CHODL: variants seen among roughly 807,000 people sequenced by gnomAD.
CHODL encodes the protein chondrolectin, also known as transmembrane protein MT75.
In CHODL, 29 loss-of-function variants were observed where a neutral mutation model predicts 34.5. The observed-to-expected ratio is 0.84, with a 90% CI of 0.63 to 1.15. CHODL has a LOEUF of 1.15. CHODL is among the 50% of genes most tolerant of loss of function. CHODL has a pLI of 0.00. For missense variants in CHODL, 332 were observed against 332.5 expected, an observed-to-expected ratio of 1.00 and a Z score of 0.01; for synonymous variants, 125 against 116.1, an observed-to-expected ratio of 1.08 and a Z score of -0.49.
chr21:18,105,390 T>C (rs2065261345), intron 2 of CHODL, among the ~76,000 whole-genome samples: 1 of 152,178 alleles, frequency 6.6e-6, no homozygotes. Flanking sequence ...TTATGTGCCT[T>C]TTCAAAGCCA....
intron 1 of CHODL, among the ~76,000 whole-genome samples, chr21:17,944,729 C>T (rs9305833): frequency 0.15 from 22,851 of 152,214 alleles, 1,876 homozygotes; most frequent in Middle Eastern, 0.21. Context: ...AGCTAGAGAT[C>T]GCATAACAAG....
intron 1 of CHODL, among the ~76,000 whole-genome samples, chr21:17,962,343 G>A (rs1486146966): frequency 6.6e-6 from 1 of 152,158 alleles, no homozygotes; most frequent in Non-Finnish European, 1.5e-5. Flanking sequence ...TGTAATCAAT[G>A]CTATTTCATT....
chr21:18,011,862 A>G (rs537415459), intron 1 of CHODL, among the ~76,000 whole-genome samples: 7 of 152,352 alleles, frequency 4.6e-5, no homozygotes, highest in South Asian at 2.1e-4. Flanking sequence ...TGTACTGCAG[A>G]GTATTCTGTT....
intron 2 of CHODL, among the ~76,000 whole-genome samples, chr21:18,082,173 T>C (rs2064950462): frequency 6.6e-6 from 1 of 152,184 alleles, no homozygotes. Context: ...ATCTGGTTGT[T>C]TCAAAGTGTG....
intron 2 of CHODL, among the ~76,000 whole-genome samples, chr21:18,069,984 T>TTTCCCTTCCCTGCCCTTCCC (rs2064777611): frequency 2.3e-5 from 1 of 44,052 alleles, no homozygotes; most frequent in African/African-American, 7.1e-5. Flanking sequence ...CCTCCTTTTC[T>TTTCCCTTCCCTGCCCTTCCC]TTCCCTTCCC....
At chr21:17,924,204 T>C (rs780393291) in intron 1 of CHODL, among the ~76,000 whole-genome samples, 1 of 152,126 alleles carries the variant, frequency 6.6e-6, no homozygotes, top group Non-Finnish European at 1.5e-5. Context: ...CTGTGAAAGC[T>C]GTGTGAATGC....
intron 2 of CHODL, among the ~76,000 whole-genome samples, chr21:18,030,037 C>G (rs1259376011): frequency 7.2e-5 from 11 of 152,124 alleles, no homozygotes; most frequent in Non-Finnish European, 2.9e-5. Context: ...CAGGCTCTAA[C>G]ATAGCCCCCA....
chr21:17,924,912 CA>C (rs1355195946), intron 1 of CHODL, among the ~76,000 whole-genome samples: 1 of 152,112 alleles, frequency 6.6e-6, no homozygotes, highest in Non-Finnish European at 1.5e-5. Context: ...CATAAGAAGA[CA>C]AAGACACCAA....
Position 18,113,552 on chromosome 21 carries a change from A to G in CHODL, c.-45+85581A>G, listed in dbSNP as rs148331282. ...TGAAGGGGAAGCAGGCACATCCCGC[A>G]TGGCTGGAGCAGGAGGAAGAGAGAG... is the stretch of plus-strand genomic sequence containing the variant. On this transcript the variant is annotated intron_variant, in intron 2 of 6. Transcript: ENST00000400127. Among the ~76,000 whole-genome samples, 440 of 152,286 alleles carry G rather than the reference A, an allele frequency of 2.9e-3. 3 individuals are homozygous for G. The highest frequency in any genetic ancestry group is 0.01 in the African/African-American group (426 of 41,560).
intron 4 of CHODL, among the ~76,000 whole-genome samples, chr21:18,260,875 G>T (rs1359946574): frequency 6.6e-6 from 1 of 151,940 alleles, no homozygotes; most frequent in African/African-American, 2.4e-5. Context: ...AACAACAAAA[G>T]AACTTTGGAT....
chr21:18,206,953 G>A (rs1424563855), intron 2 of CHODL, among the ~76,000 whole-genome samples: 2 of 151,534 alleles, frequency 1.3e-5, no homozygotes, highest in Non-Finnish European at 2.9e-5. Flanking sequence ...TGTTACATAG[G>A]TATACATGTG....
chr21:17,988,585 TC>T (rs1462162490), intron 1 of CHODL, among the ~76,000 whole-genome samples: 1 of 100,918 alleles, frequency 9.9e-6, no homozygotes, highest in African/African-American at 4.1e-5. Flanking sequence ...AGTGTGATGT[TC>T]CCCTTCCTGT....
chr21:18,241,481 A>T (rs1313779951), upstream of CHODL, among the ~76,000 whole-genome samples: 1 of 152,202 alleles, frequency 6.6e-6, no homozygotes, highest in Non-Finnish European at 1.5e-5. Context: ...AATTTTAAAC[A>T]TTGTAACAAA....
In CHODL at chr21:18,245,074, T is replaced by A. The variant is rs371132523; in HGVS notation, c.-150T>A. 36 of 608,894 alleles carry A rather than the reference T, an allele frequency of 5.9e-5. 1 individual carries two copies. The highest frequency in any genetic ancestry group is 4.2e-4 in the East Asian group (12 of 28,334). 37.7% of individuals were successfully genotyped at this position (608,894 alleles called of 1,614,324 possible). On this transcript the variant is annotated 5_prime_UTR_variant, in exon 1 of 6. The change abolishes an upstream ATG in the 5' untranslated region. Coordinates refer to ENST00000299295, the MANE Select transcript of CHODL (RefSeq NM_024944.3). ...GGCGGCAGGTCCCGGCCGAAGGCGA[T>A]GCGCGCAGGGGGTCGGGCAGCTGGG...
At chr21:17,923,731 G>A (rs1017840823) in intron 1 of CHODL, among the ~76,000 whole-genome samples, 1 of 152,130 alleles carries the variant, frequency 6.6e-6, no homozygotes, top group Non-Finnish European at 1.5e-5. Flanking sequence ...AAAGTACTGG[G>A]ATTACAGGCC....
At chr21:18,115,940 G>A (rs766944356) in intron 2 of CHODL, among the ~76,000 whole-genome samples, 1 of 152,026 alleles carries the variant, frequency 6.6e-6, no homozygotes, top group Non-Finnish European at 1.5e-5. Context: ...GACACGTTCA[G>A]TGGCATTGGA....
chr21:18,004,034 A>G (rs997672672), intron 1 of CHODL, among the ~76,000 whole-genome samples: 1 of 152,230 alleles, frequency 6.6e-6, no homozygotes, highest in African/African-American at 2.4e-5. Context: ...CAGGCAAAAG[A>G]CATGGAAGGT....
chr21:17,958,593 A>G (rs541822575), intron 1 of CHODL, among the ~76,000 whole-genome samples: 44 of 152,318 alleles, frequency 2.9e-4, no homozygotes, highest in Non-Finnish European at 5.4e-4. Flanking sequence ...CTTGGTAGGA[A>G]CAGGCATCCA....
chr21:18,050,633 A>T (rs781400253), intron 2 of CHODL, among the ~76,000 whole-genome samples: 16 of 151,990 alleles, frequency 1.1e-4, no homozygotes, highest in Non-Finnish European at 1.5e-4. Context: ...GATGACTCCC[A>T]GGTTTGAACA....
Sources: gnomAD v4.1 joint callset for allele counts (sites outside exome capture counted in the v4.1 genomes callset) on GRCh38, gnomAD v4.1.1 for gene constraint, MANE v1.5 for transcripts, NCBI Gene and HGNC (gene_info 2026-07-23, HGNC 2026-07-21) for gene names.